Variants in VPS13B observed in about 807,000 individuals in gnomAD.
VPS13B encodes intermembrane lipid transfer protein VPS13B.
A neutral mutation model predicts 426.4 loss-of-function variants in VPS13B; 285 were observed. The ratio of observed to expected loss-of-function variants is 0.67; its 90% CI spans 0.61 to 0.74. The LOEUF (loss-of-function observed/expected upper bound fraction) is 0.74, where lower values mean the gene tolerates loss of function less well. Among genes scored for constraint, VPS13B ranks in the 30% least tolerant of loss-of-function variants. The probability of loss-of-function intolerance (pLI) is 0.00; values close to 1 mark genes in which losing one functional copy is unlikely to be tolerated. For synonymous variants in VPS13B, 1,676 were observed against 1,676.4 expected, an observed-to-expected ratio of 1.00 and a Z score of 0.01; for missense variants, 4,537 against 4,782.6, an observed-to-expected ratio of 0.95 and a Z score of 1.51.
At chr8:99,615,710 T>C (rs1828055848) in intron 33 of VPS13B, among the ~76,000 whole-genome samples, 1 of 152,176 alleles carries the variant, frequency 6.6e-6, no homozygotes, top group South Asian at 2.1e-4. Context: ...CCACACCTGA[T>C]GGAATCATGG....
intron 7 of VPS13B, among the ~76,000 whole-genome samples, chr8:99,117,470 G>A (rs375677920): frequency 2.6e-5 from 4 of 152,104 alleles, no homozygotes; most frequent in African/African-American, 9.7e-5. Flanking sequence ...GATAACATAT[G>A]TCCATGTAAA....
intron 3 of VPS13B, among the ~76,000 whole-genome samples, chr8:99,065,737 G>T (rs560130020): frequency 3.9e-5 from 6 of 152,322 alleles, no homozygotes; most frequent in African/African-American, 1.2e-4. Flanking sequence ...CAGATGACAT[G>T]ATTGTATATT....
chr8:99,561,948 CAT>C (rs1193683317), intron 31 of VPS13B, among the ~76,000 whole-genome samples: 2 of 152,156 alleles, frequency 1.3e-5, no homozygotes. Flanking sequence ...ATTACAGGGT[CAT>C]ATGGCAATTT....
intron 34 of VPS13B, among the ~76,000 whole-genome samples, chr8:99,656,366 C>G (rs1291477322): frequency 3.3e-5 from 5 of 152,170 alleles, no homozygotes; most frequent in Non-Finnish European, 5.9e-5. Context: ...TCATCAACAT[C>G]AGCAGGAATT....
intron 33 of VPS13B, among the ~76,000 whole-genome samples, chr8:99,620,352 G>A (rs761954356): frequency 5.9e-5 from 9 of 152,104 alleles, no homozygotes; most frequent in South Asian, 4.1e-4. Flanking sequence ...GAGGAAATAC[G>A]CAGTCTAAAA....
At chr8:99,135,881 T>C in intron 11 of VPS13B, 148 bp downstream of exon 11, 2 of 1,142,996 alleles carry the variant, frequency 1.7e-6, no homozygotes, top group Non-Finnish European at 2.5e-6. Flanking sequence ...TTATACAGTA[T>C]ACATGTAGAA....
chr8:99,494,433 C>T (rs1357720864), intron 25 of VPS13B, among the ~76,000 whole-genome samples: 1 of 151,844 alleles, frequency 6.6e-6, no homozygotes, highest in Non-Finnish European at 1.5e-5. Flanking sequence ...TATGTTTATT[C>T]TTAAGCATTT....
chr8:99,548,977 G>T (rs1220214743), intron 30 of VPS13B, among the ~76,000 whole-genome samples: 1 of 151,892 alleles, frequency 6.6e-6, no homozygotes, highest in Non-Finnish European at 1.5e-5. Flanking sequence ...AAACCAATAA[G>T]CTAAATGGTC....
Position 99,875,747 on chromosome 8 carries a change from T to C in VPS13B, c.*81T>C. On this transcript the variant is annotated 3_prime_UTR_variant, in exon 62 of 62. Coordinates refer to ENST00000357162, the MANE Select transcript of VPS13B (RefSeq NM_152564.5). ...AGACAGGGTCTCACTGCATTGCCCT[T>C]GCTGACCTCAAATTCTGGGGTTCAA... The C allele has an allele frequency of 3.2e-6, 5 of 1,582,764 alleles. No homozygotes were observed. The South Asian group carries it at 5.6e-5, about 18-fold the overall frequency.
chr8:99,661,608 T>C (rs950857881), intron 35 of VPS13B, 117 bp downstream of exon 35: 2 of 1,305,988 alleles, frequency 1.5e-6, no homozygotes, highest in Non-Finnish European at 2.1e-6. Flanking sequence ...GTTCATTTTT[T>C]CCCAGAGGTG....
At chr8:99,780,903 C>T (rs1490921157) in intron 42 of VPS13B, among the ~76,000 whole-genome samples, 1 of 152,082 alleles carries the variant, frequency 6.6e-6, no homozygotes, top group African/African-American at 2.4e-5. Flanking sequence ...TGGTTTATCC[C>T]CTTTAGAAGC....
rs1227148786 is a variant in VPS13B, at chr8:99,875,517, A to G, written c.11845A>G (p.Met3949Val). The G allele has an allele frequency of 1.2e-6, 2 of 1,614,188 alleles. No individual in the cohort carries two copies. The highest frequency in any genetic ancestry group is 2.7e-5 in the African/African-American group (2 of 75,052). The part of the protein sequence containing the change: ...SCHLAPSCSS[M>V]QIPCPVVAAE... ...TCACCTGGCCCCCAGCTGTTCTTCC[A>G]TGCAAATACCATGCCCTGTGGTGGC... is the stretch of plus-strand genomic sequence containing the variant. Residue 3949 changes from methionine (M) to valine (V), a missense_variant, in exon 62 of 62, where the codon ATG becomes GTG. Physicochemically the swap from Met to Val is conservative, Grantham distance 21. Around this residue, in one of 2 missense-constraint regions of VPS13B, gnomAD observed 4,311 missense variants for 4,474.3 expected, o/e 0.96. Coordinates refer to ENST00000357162, the MANE Select transcript of VPS13B (RefSeq NM_152564.5).
At chr8:99,244,878 T>C (rs1817130036) in intron 17 of VPS13B, among the ~76,000 whole-genome samples, 1 of 152,220 alleles carries the variant, frequency 6.6e-6, no homozygotes, top group South Asian at 2.1e-4. Flanking sequence ...ACACAAAGTT[T>C]AGATATTTAA....
chr8:99,873,750 A>C (rs1482082484), intron 61 of VPS13B, among the ~76,000 whole-genome samples: 1 of 152,154 alleles, frequency 6.6e-6, no homozygotes, highest in Admixed American at 6.5e-5. Flanking sequence ...GCTGTAATCT[A>C]GAGTATTTTC....
At chr8:99,294,039 G>C (rs1316360493) in intron 19 of VPS13B, among the ~76,000 whole-genome samples, 3 of 110,636 alleles carry the variant, frequency 2.7e-5, no homozygotes, top group Admixed American at 2.5e-4. Context: ...CCCATTACTG[G>C]GTATATACCC....
intron 36 of VPS13B, among the ~76,000 whole-genome samples, chr8:99,710,522 C>T (rs1452656093): frequency 6.6e-6 from 1 of 151,776 alleles, no homozygotes; most frequent in Non-Finnish European, 1.5e-5. Context: ...AAAAGAAAGG[C>T]CTGATGTCCC....
chr8:99,252,334 T>C (rs1315904868), intron 17 of VPS13B, among the ~76,000 whole-genome samples: 5 of 152,086 alleles, frequency 3.3e-5, no homozygotes, highest in Non-Finnish European at 7.4e-5. Context: ...TAGGTCTGTT[T>C]AGTTTCCAAA....
At chr8:99,051,227 C>G (rs1194931632) in intron 3 of VPS13B, among the ~76,000 whole-genome samples, 4 of 152,100 alleles carry the variant, frequency 2.6e-5, no homozygotes, top group Admixed American at 6.5e-5. Context: ...GGAAGGGATC[C>G]AGTTTCAGCT....
chr8:99,474,456 G>A (rs956579160), intron 24 of VPS13B, among the ~76,000 whole-genome samples: 2 of 151,770 alleles, frequency 1.3e-5, no homozygotes, highest in Non-Finnish European at 2.9e-5. Context: ...CAAAGTGCTG[G>A]GATTACAGGC....
Sources: gnomAD v4.1 joint callset for allele counts (sites outside exome capture counted in the v4.1 genomes callset) on GRCh38, gnomAD v4.1.1 for gene constraint, gnomAD v4.1.1 regional missense constraint, MANE v1.5 for transcripts, NCBI Gene and HGNC (gene_info 2026-07-23, HGNC 2026-07-21) for gene names.